MTSS2: variants seen among roughly 807,000 people sequenced by gnomAD.
MTSS2 encodes the protein MTSS I-BAR domain containing 2.
MTSS2 carries 27 observed loss-of-function variants against 67.1 expected under a neutral mutation model. The ratio of observed to expected loss-of-function variants is 0.40; its 90% CI spans 0.30 to 0.55. The LOEUF is 0.55. MTSS2 is among the 20% of genes least tolerant of loss of function. The probability of loss-of-function intolerance (pLI) is 0.43; values close to 1 mark genes in which losing one functional copy is unlikely to be tolerated. For missense variants in MTSS2, 1,171 were observed against 1,067.8 expected (o/e 1.10, Z -1.35); for synonymous variants, 624 against 468.6 (o/e 1.33, Z -4.28).
intron 9 of MTSS2, among the ~76,000 whole-genome samples, chr16:70,677,432 C>T (rs1047146152): frequency 1.3e-4 from 20 of 151,622 alleles, no homozygotes; most frequent in East Asian, 1.9e-4. Context: ...TGGCCAGGTA[C>T]GCCTGGGTCT....
Position 70,661,408 on chromosome 16 carries a change from C to G in MTSS2, c.*2269G>C. ...GGAGGGGGGGAGGGTGAGTAGGAAC[C>G]AGGAGGGCTGCCTGGGGTGGGGGAA... is the stretch of plus-strand genomic sequence containing the variant. On this transcript the variant is annotated 3_prime_UTR_variant, in exon 15 of 15. Coordinates refer to ENST00000338779, the MANE Select transcript of MTSS2 (RefSeq NM_138383.3). 1 of 327,986 alleles carries G rather than the reference C, an allele frequency of 3.0e-6. No individual in the cohort carries two copies. The highest frequency in any genetic ancestry group is 6.1e-6 in the Non-Finnish European group (1 of 165,240). The allele number at this position is 327,986 out of a possible 1,614,324, so 20.3% of individuals were successfully genotyped here. A position where few individuals can be genotyped will look rare whatever the true frequency, so the allele number is the denominator to read the frequency against.
At position 70,680,725 on chromosome 16, in the gene MTSS2, C is replaced by T. The variant is rs894544884; in HGVS notation, c.205+69G>A. ...TCCCGTCCTTTCCCTGGCCCATCCCCTACTCTTCCTTTCCAGCCTCCAGGC... is the reference window on the plus strand; with the variant it reads ...TCCCGTCCTTTCCCTGGCCCATCCCTTACTCTTCCTTTCCAGCCTCCAGGC... On this transcript the variant is annotated intron_variant, in intron 3 of 14. Transcript: ENST00000338779. 6 of 1,392,592 alleles carry T rather than the reference C, an allele frequency of 4.3e-6. No homozygotes were observed. In the African/African-American group the frequency reaches 8.6e-5, roughly 20 times the overall value. The allele number at this position is 1,392,592 out of a possible 1,614,324, so 86.3% of individuals were successfully genotyped here. A position where few individuals can be genotyped will look rare whatever the true frequency, so the allele number is the denominator to read the frequency against.
intron 10 of MTSS2, among the ~76,000 whole-genome samples, chr16:70,676,071 G>A (rs1461664798): frequency 1.3e-5 from 2 of 152,262 alleles, no homozygotes; most frequent in African/African-American, 2.4e-5. Context: ...GCTGATTGCT[G>A]TGCCTGGCTT....
chr16:70,665,660 C>T, intron 11 of MTSS2, 120 bp from the exon 12 acceptor site: 1 of 818,030 alleles, frequency 1.2e-6, no homozygotes, highest in Non-Finnish European at 1.9e-6. Flanking sequence ...AATTCAGCGC[C>T]TTGCCCAGCA....
Position 70,680,800 on chromosome 16 carries a change from T to C in MTSS2, c.199A>G (p.Thr67Ala). 6.4e-7 allele frequency: 1 copy of C among 1,552,068 alleles called. No homozygotes were observed. Among genetic ancestry groups the C allele is most frequent in the East Asian group, 2.4e-5 (1 of 41,038 alleles). The change falls in exon 3 of 15, where the codon ACC becomes GCC. Residue 67 changes from threonine (T) to alanine (A), a missense_variant. Physicochemically the swap from Thr to Ala is moderately conservative, Grantham distance 58. Transcript: ENST00000338779. ...CAGCCACGCGCCTCCCCACCTCGGG[T>C]GTTGGTAGCCATGTCAGCCACTTTC... Reference protein sequence around the residue: ...FQKVADMATNTRGATRDIGSA... With the variant: ...FQKVADMATNARGATRDIGSA...
At chr16:70,668,335 G>A (rs2151917574) in intron 11 of MTSS2, among the ~76,000 whole-genome samples, 1 of 152,088 alleles carries the variant, frequency 6.6e-6, no homozygotes, top group Non-Finnish European at 1.5e-5. Context: ...CTTAAGCCTG[G>A]GGACAGAGGT....
chr16:70,678,950 CAAGA>C (rs1000339476), intron 7 of MTSS2, among the ~76,000 whole-genome samples: 3 of 152,120 alleles, frequency 2.0e-5, no homozygotes, highest in African/African-American at 7.2e-5. Context: ...CAAGAAGCAG[CAAGA>C]AAGAGAGAGG....
At chr16:70,675,338 G>A (rs547671340) in intron 10 of MTSS2, among the ~76,000 whole-genome samples, 139 of 151,262 alleles carry the variant, frequency 9.2e-4, no homozygotes, top group Middle Eastern at 3.4e-3. Context: ...CAGGAGAATC[G>A]CTTGAACCCG....
intron 2 of MTSS2, 40 bp from the exon 3 acceptor site, chr16:70,680,907 G>A: frequency 3.2e-6 from 5 of 1,539,084 alleles, no homozygotes; most frequent in Non-Finnish European, 3.5e-6. Flanking sequence ...CGGTGGTTGG[G>A]CGGGGGGGGG....
In MTSS2 at chr16:70,682,531, G is replaced by C. The variant is rs111645268; in HGVS notation, c.70-1506C>G. On this transcript the variant is annotated intron_variant, in intron 1 of 14. Transcript: ENST00000338779. ...TTAGCCCCTGAGCAGCCCTGGGGCA[G>C]TCTCAGAGATTAAAGGCTCTCCCCA... Among the ~76,000 whole-genome samples, 37 of 152,162 alleles carry C rather than the reference G, an allele frequency of 2.4e-4. 2 individuals are homozygous for C. The highest frequency in any genetic ancestry group is 8.0e-4 in the African/African-American group (33 of 41,508).
rs1206530606 is a variant in MTSS2 at position 70,665,041 on chromosome 16, C to A, written c.1184G>T (p.Arg395Met). ...EQPSGATLQR[R>M]KDRVELLRDT... ...TCGCAGGAGCTCCACTCGGTCCTTC[C>A]TCCGCTGCAGAGTGGCGCCTGAGGG... The change falls in exon 13 of 15, where the codon AGG becomes ATG. Residue 395 changes from arginine (R) to methionine (M), a missense_variant. Physicochemically the swap from Arg to Met is moderately conservative, Grantham distance 91. Coordinates refer to ENST00000338779, the MANE Select transcript of MTSS2 (RefSeq NM_138383.3). 1.3e-6 allele frequency: 2 copies of A among 1,597,530 alleles called. No individual in the cohort carries two copies. The highest frequency in any genetic ancestry group is 3.3e-5 in the Admixed American group (2 of 59,898).
At position 70,661,747 on chromosome 16, in the gene MTSS2, G is replaced by GC. The variant is rs754712354; in HGVS notation, c.*1929dup. The GC allele has an allele frequency of 4.3e-3, 894 of 207,912 alleles. 2 individuals are homozygous for GC. The highest frequency in any genetic ancestry group is 7.6e-3 in the Middle Eastern group (4 of 528). The allele number at this position is 207,912 out of a possible 1,614,324, so 12.9% of individuals were successfully genotyped here. ...AGTCGGTGGGGGCTGTGCCACACGAGCCCCCCTCTCTGGGTAGCCCCTGCC... is the reference window on the plus strand; with the variant it reads ...AGTCGGTGGGGGCTGTGCCACACGAGCCCCCCCTCTCTGGGTAGCCCCTGCC... On this transcript the variant is annotated 3_prime_UTR_variant, in exon 15 of 15. Transcript: ENST00000338779.
intron 11 of MTSS2, among the ~76,000 whole-genome samples, chr16:70,668,252 A>C (rs1023222977): frequency 1.3e-5 from 2 of 151,964 alleles, no homozygotes; most frequent in Non-Finnish European, 2.9e-5. Context: ...AATACAAAAA[A>C]TACAAAAAAT....
intron 7 of MTSS2, among the ~76,000 whole-genome samples, chr16:70,678,806 G>T (rs948859447): frequency 6.6e-6 from 1 of 152,204 alleles, no homozygotes. Flanking sequence ...AAGAGAGAGT[G>T]TGGGGCTCAG....
rs79838157 is a variant in MTSS2, at chr16:70,664,108, T to C, written c.1813A>G (p.Met605Val). Residue 605 changes from methionine (M) to valine (V), a missense_variant, in exon 15 of 15, where the codon ATG (methionine) becomes GTG (valine). Physicochemically the swap from Met to Val is conservative, Grantham distance 21. Transcript: ENST00000338779. ...TCACTGCCCGCCCGTGTGGGCCCCATGTAGCCGGGGGAGTCAGGCACCGTG... is the reference window on the plus strand; with the variant it reads ...TCACTGCCCGCCCGTGTGGGCCCCACGTAGCCGGGGGAGTCAGGCACCGTG... ...TPTVPDSPGY[M>V]GPTRAGSEEC... is the part of the protein sequence containing the mutation. 7 of 1,611,838 alleles carry C rather than the reference T, an allele frequency of 4.3e-6. No homozygotes were observed. The highest frequency in any genetic ancestry group is 5.1e-6 in the Non-Finnish European group (6 of 1,179,694).
intron 11 of MTSS2, among the ~76,000 whole-genome samples, chr16:70,667,971 CAGG>C (rs967582377): frequency 7.3e-6 from 1 of 137,576 alleles, no homozygotes; most frequent in African/African-American, 2.6e-5. Context: ...ATTCAAATCC[CAGG>C]AGTTTTTTTT....
Position 70,663,710 on chromosome 16 carries a change from G to A in MTSS2, c.2211C>T (p.Val737=), listed in dbSNP as rs1425780425. 6.3e-7 allele frequency: 1 copy of A among 1,588,362 alleles called. No individual in the cohort carries two copies. The highest frequency in any genetic ancestry group is 1.1e-5 in the South Asian group (1 of 87,634). Residue 737 remains valine (V), a synonymous_variant, in exon 15 of 15, where the codon GTC becomes GTT. Coordinates refer to ENST00000338779, the MANE Select transcript of MTSS2 (RefSeq NM_138383.3). ...TGCGGGGCGCCGACCTGTCGTTGGTGACGGTCCTGCGGAGCCGGACCCCAC... is the reference window on the plus strand; with the variant it reads ...TGCGGGGCGCCGACCTGTCGTTGGTAACGGTCCTGCGGAGCCGGACCCCAC... ...IRRGVRLRRT[V]TNDRSAPRIL
chr16:70,680,981 C>T lies in MTSS2; in HGVS notation c.114G>A (p.Lys38=). ...CACCTCACCTCAGCTGGGAATGCAG[C>T]TTCGTGGCCTTGGAGTTGAAGTCCT... ...IWEDFNSKAT[K]LHSQLRTTVL... is the part of the protein sequence containing the mutation. The change falls in exon 2 of 15, where the codon AAG becomes AAA. Residue 38 remains lysine, a synonymous_variant. Coordinates refer to ENST00000338779, the MANE Select transcript of MTSS2 (RefSeq NM_138383.3). 6.2e-7 allele frequency: 1 copy of T among 1,609,076 alleles called. No individual in the cohort carries two copies. The highest frequency in any genetic ancestry group is 1.3e-5 in the African/African-American group (1 of 75,030).
rs780909223 is a variant in MTSS2, at chr16:70,665,831, G to A, written c.1054-291C>T. On this transcript the variant is annotated intron_variant, in intron 11 of 14. Coordinates refer to ENST00000338779, the MANE Select transcript of MTSS2 (RefSeq NM_138383.3). ...TGCTGACGGCCTGGATATGGCCACC[G>A]AGGGGAAAAAGAGATACTAAGGGCG... 3.4e-6 allele frequency: 1 copy of A among 297,966 alleles called. No homozygotes were observed. Among genetic ancestry groups the A allele is most frequent in the Non-Finnish European group, 6.3e-6 (1 of 159,776 alleles). The allele number at this position is 297,966 out of a possible 1,614,324, so 18.5% of individuals were successfully genotyped here.
Sources: allele counts gnomAD v4.1 joint callset (sites outside exome capture counted in the v4.1 genomes callset), GRCh38; gene constraint gnomAD v4.1.1; transcripts MANE v1.5; gene names NCBI Gene and HGNC (gene_info 2026-07-23, HGNC 2026-07-21).